PPP1R13B: variants seen among roughly 807,000 people sequenced by gnomAD.
PPP1R13B encodes protein phosphatase 1 regulatory subunit 13B.
Under a neutral mutation model 119.8 loss-of-function variants are expected in PPP1R13B, and 44 were observed. The ratio of observed to expected loss-of-function variants is 0.37; its 90% CI spans 0.29 to 0.47. The LOEUF (loss-of-function observed/expected upper bound fraction) is 0.47. Ranked by LOEUF, PPP1R13B falls within the 20% of genes least tolerant of loss-of-function variation. PPP1R13B has a pLI of 0.99. For synonymous variants in PPP1R13B, 542 were observed against 561.5 expected (o/e 0.97, Z 0.49); for missense variants, 1,227 against 1,413.5 (o/e 0.87, Z 2.12).
At chr14:103,754,820 C>T (rs1035847447) in intron 5 of PPP1R13B, among the ~76,000 whole-genome samples, 23 of 151,404 alleles carry the variant, frequency 1.5e-4, no homozygotes, top group African/African-American at 5.3e-4. Context: ...CGCTCTGTTG[C>T]CCAGGCTGGA....
At chr14:103,801,899 C>T (rs1595793712) in intron 1 of PPP1R13B, among the ~76,000 whole-genome samples, 1 of 152,244 alleles carries the variant, frequency 6.6e-6, no homozygotes, top group East Asian at 1.9e-4. Context: ...TTCTATTTTA[C>T]AATAAATTTT....
At chr14:103,835,023 T>C (rs2086742085) in intron 1 of PPP1R13B, among the ~76,000 whole-genome samples, 1 of 152,240 alleles carries the variant, frequency 6.6e-6, no homozygotes. Context: ...ATAGGGTAAT[T>C]GTGATCCTTT....
In PPP1R13B at chr14:103,739,905, C is replaced by T; in HGVS notation, c.2511G>A (p.Val837=). 1.2e-6 allele frequency: 2 copies of T among 1,614,014 alleles called. No homozygotes were observed. Among genetic ancestry groups the T allele is most frequent in the Non-Finnish European group, 1.7e-6 (2 of 1,180,018 alleles). The change falls in exon 12 of 17, where the codon GTG becomes GTA. Residue 837 remains valine, a synonymous_variant. Coordinates refer to ENST00000202556, the MANE Select transcript of PPP1R13B (RefSeq NM_015316.3). ...VPTTEQIPSP[V]AEAPSPGEEQ... ...CTTCCCCTGGAGATGGGGCCTCAGC[C>T]ACAGGACTCGGGATCTGCTCCGTGG...
intron 8 of PPP1R13B, 121 bp downstream of exon 8, chr14:103,749,673 T>C (rs1595721601): frequency 9.9e-7 from 1 of 1,013,058 alleles, no homozygotes; most frequent in South Asian, 1.6e-5. Context: ...TGATGGTTTA[T>C]GGCCTATTTA....
chr14:103,803,946 G>T (rs2085960396), intron 1 of PPP1R13B: 1 of 665,324 alleles, frequency 1.5e-6, no homozygotes, highest in Non-Finnish European at 1.9e-6. Context: ...CTTCTCCCCT[G>T]CTGTAACAGA....
In PPP1R13B at chr14:103,734,364, C is replaced by A; in HGVS notation, c.*790G>T. On this transcript the variant is annotated 3_prime_UTR_variant, in exon 17 of 17. Coordinates refer to ENST00000202556, the MANE Select transcript of PPP1R13B (RefSeq NM_015316.3). ...CACCCTCCGCTGCCACGGCCTCCAG[C>A]ACCTGACTCCATTCAGGGAACTGAA... 2.6e-6 allele frequency: 1 copy of A among 382,946 alleles called. No individual in the cohort carries two copies. The highest frequency in any genetic ancestry group is 5.3e-6 in the Non-Finnish European group (1 of 188,930). 23.7% of individuals were successfully genotyped at this position (382,946 alleles called of 1,614,324 possible).
intron 1 of PPP1R13B, 178 bp downstream of exon 1, chr14:103,847,121 G>A (rs1251083312): frequency 1.0e-6 from 1 of 983,764 alleles, no homozygotes; most frequent in Non-Finnish European, 1.2e-6. Context: ...ACAGCCCGGC[G>A]CCGCCCCCAC....
intron 3 of PPP1R13B, among the ~76,000 whole-genome samples, chr14:103,779,742 G>C (rs541740177): frequency 6.6e-6 from 1 of 152,070 alleles, no homozygotes; most frequent in African/African-American, 2.4e-5. Flanking sequence ...AACCATGATC[G>C]CACCATTGCG....
At chr14:103,790,074 T>C (rs1324824883) in intron 2 of PPP1R13B, among the ~76,000 whole-genome samples, 1 of 150,974 alleles carries the variant, frequency 6.6e-6, no homozygotes, top group Non-Finnish European at 1.5e-5. Flanking sequence ...GGTAAAACCC[T>C]GTCTCTACTA....
At chr14:103,788,537 T>C (rs1311050401) in intron 2 of PPP1R13B, among the ~76,000 whole-genome samples, 1 of 152,164 alleles carries the variant, frequency 6.6e-6, no homozygotes, top group Non-Finnish European at 1.5e-5. Flanking sequence ...ATAGCATTTC[T>C]CATTAGCCAG....
intron 1 of PPP1R13B, among the ~76,000 whole-genome samples, chr14:103,821,262 C>G (rs371952777): frequency 6.6e-6 from 1 of 152,194 alleles, no homozygotes; most frequent in East Asian, 1.9e-4. Flanking sequence ...TGTAAAATGT[C>G]TAGCAACAGC....
chr14:103,758,121 C>T (rs989336235), intron 4 of PPP1R13B, among the ~76,000 whole-genome samples: 24 of 152,062 alleles, frequency 1.6e-4, no homozygotes, highest in African/African-American at 5.6e-4. Flanking sequence ...ATGCAGGTAA[C>T]GCCTAAGAAC....
intron 16 of PPP1R13B, among the ~76,000 whole-genome samples, chr14:103,735,688 T>C (rs953513479): frequency 1.2e-4 from 19 of 152,174 alleles, no homozygotes; most frequent in Admixed American, 1.1e-3. Context: ...GATTTCTAGA[T>C]TGGGGAAAGT....
chr14:103,821,228 G>T (rs2086398787), intron 1 of PPP1R13B, among the ~76,000 whole-genome samples: 1 of 152,142 alleles, frequency 6.6e-6, no homozygotes, highest in African/African-American at 2.4e-5. Context: ...CAGTTACCTT[G>T]TTCACTGAAT....
intron 12 of PPP1R13B, 150 bp downstream of exon 12, chr14:103,739,674 G>A: frequency 1.0e-6 from 1 of 959,986 alleles, no homozygotes; most frequent in South Asian, 1.9e-5. Flanking sequence ...ATTTGTCTGT[G>A]TGACTGTCCG....
At chr14:103,802,597 C>G (rs903272215) in intron 1 of PPP1R13B, among the ~76,000 whole-genome samples, 10 of 152,162 alleles carry the variant, frequency 6.6e-5, no homozygotes, top group African/African-American at 2.4e-4. Context: ...ATATAGCACG[C>G]GTAAAGCAGT....
In PPP1R13B at chr14:103,742,160, T is replaced by C; in HGVS notation, c.1452A>G (p.Glu484=). 6.2e-7 allele frequency: 1 copy of C among 1,610,220 alleles called. No homozygotes were observed. Among genetic ancestry groups the C allele is most frequent in the Non-Finnish European group, 8.5e-7 (1 of 1,179,984 alleles). Residue 484 remains glutamate, a synonymous_variant, in exon 11 of 17, where the codon GAA becomes GAG. Coordinates refer to ENST00000202556, the MANE Select transcript of PPP1R13B (RefSeq NM_015316.3). This position sits in a 1 kb window ranked among gnomAD's most constrained non-coding sequence, Gnocchi z 4.9. ...CTGCACTGGGCCTGGGCAAGCTGCC[T>C]TCCTTCCTCCTTTCCAGGGAGCTTG... The part of the protein sequence containing the change: ...GSTSSLERRK[E]GSLPRPSAGL...
chr14:103,734,784 T>A lies in PPP1R13B; in HGVS notation c.*370A>T, dbSNP rs907351191. On this transcript the variant is annotated 3_prime_UTR_variant, in exon 17 of 17. Coordinates refer to ENST00000202556, the MANE Select transcript of PPP1R13B (RefSeq NM_015316.3). ...CAGGCCTCACAGCGGCGGACAGTGT[T>A]CACTGCTGGAGGGGGTGATGGCCTC... 8.6e-6 allele frequency: 4 copies of A among 463,784 alleles called. No individual in the cohort carries two copies. Among genetic ancestry groups the A allele is most frequent in the African/African-American group, 3.9e-5 (2 of 50,798 alleles). 28.7% of individuals were successfully genotyped at this position (463,784 alleles called of 1,614,324 possible).
intron 1 of PPP1R13B, among the ~76,000 whole-genome samples, chr14:103,813,581 A>C (rs2086209103): frequency 6.6e-6 from 1 of 152,194 alleles, no homozygotes; most frequent in African/African-American, 2.4e-5. Context: ...GCCTGTGAAG[A>C]GGTGCCTTCC....
Sources: gnomAD v4.1 joint callset for allele counts (sites outside exome capture counted in the v4.1 genomes callset) on GRCh38, gnomAD v4.1.1 for gene constraint, Gnocchi (gnomAD v3.1) non-coding constraint, MANE v1.5 for transcripts, NCBI Gene and HGNC (gene_info 2026-07-23, HGNC 2026-07-21) for gene names.